Variants in GRK5 observed in about 807,000 individuals in gnomAD.
GRK5 encodes the protein g protein-coupled receptor kinase GRK5.
GRK5 carries 40 observed loss-of-function variants against 78.4 expected under a neutral mutation model. The ratio of observed to expected loss-of-function variants is 0.51; its 90% CI spans 0.40 to 0.66. The LOEUF is 0.66. Among genes scored for constraint, GRK5 ranks in the 30% least tolerant of loss-of-function variants. GRK5 has a pLI of 0.00. For missense variants in GRK5, 598 were observed against 759.9 expected (o/e 0.79, Z 2.50); for synonymous variants, 289 against 296.8 (o/e 0.97, Z 0.27).
Position 119,439,788 on chromosome 10 carries a change from G to A in GRK5, c.967+20G>A, listed in dbSNP as rs987182486. On this transcript the variant is annotated intron_variant, in intron 10 of 15. Coordinates refer to ENST00000392870, the MANE Select transcript of GRK5 (RefSeq NM_005308.3). Reference sequence around the variant, plus strand: ...ATTATGGTAAGTCTTTTCCTACTCGGTAGCTGAGGTGAGCATTGCAACCCC... The same window carrying A: ...ATTATGGTAAGTCTTTTCCTACTCGATAGCTGAGGTGAGCATTGCAACCCC... The A allele has an allele frequency of 6.2e-6, 10 of 1,612,140 alleles. No homozygotes were observed. The South Asian group carries it at 8.8e-5, about 14-fold the overall frequency.
rs535994538 is a variant in GRK5 at position 119,431,276 on chromosome 10, C to T, written c.598-111C>T. On this transcript the variant is annotated intron_variant, in intron 7 of 15. Coordinates refer to ENST00000392870, the MANE Select transcript of GRK5 (RefSeq NM_005308.3). This position sits in a 1 kb window ranked among gnomAD's most constrained non-coding sequence, Gnocchi z 4.8. ...CACTCATGAAGCCAGGCAGGGCCGG[C>T]TCTGACCCCATCCATTCTCTACCTG... 44 of 1,312,448 alleles carry T rather than the reference C, an allele frequency of 3.4e-5. 1 individual carries two copies. The highest frequency in any genetic ancestry group is 2.8e-4 in the African/African-American group (19 of 67,300). 81.3% of individuals were successfully genotyped at this position (1,312,448 alleles called of 1,614,324 possible). A position where few individuals can be genotyped will look rare whatever the true frequency, so the allele number is the denominator to read the frequency against.
At chr10:119,395,642 CCCTTTAT>C (rs1483733567) in intron 3 of GRK5, among the ~76,000 whole-genome samples, 1 of 152,146 alleles carries the variant, frequency 6.6e-6, no homozygotes, top group Admixed American at 6.5e-5. Flanking sequence ...TGACTCGAGG[CCCTTTAT>C]CCATGTGGCG....
intron 2 of GRK5, among the ~76,000 whole-genome samples, chr10:119,375,797 G>A (rs1173623773): frequency 6.6e-6 from 1 of 152,174 alleles, no homozygotes; most frequent in East Asian, 1.9e-4. Flanking sequence ...AACAACACAT[G>A]TCGTTTTCTT....
intron 1 of GRK5, among the ~76,000 whole-genome samples, chr10:119,249,904 C>T (rs1849174616): frequency 6.6e-6 from 1 of 152,210 alleles, no homozygotes; most frequent in Non-Finnish European, 1.5e-5. Flanking sequence ...TCACAGATAC[C>T]TGGCAGTGGG....
intron 8 of GRK5, among the ~76,000 whole-genome samples, chr10:119,433,803 A>T (rs954903612): frequency 1.3e-5 from 2 of 150,066 alleles, no homozygotes; most frequent in Non-Finnish European, 3.0e-5. Flanking sequence ...GGGTGTCTGG[A>T]CTCCACCAGC....
In GRK5 at chr10:119,433,374, CAG is replaced by C. The variant is rs567347768; in HGVS notation, c.738+1848_738+1849del. On this transcript the variant is annotated intron_variant, in intron 8 of 15. Coordinates refer to ENST00000392870, the MANE Select transcript of GRK5 (RefSeq NM_005308.3). ...AGGGACAGTGCTGGCGGGTTCTGCTCAGGGAAGAGGATCATGTGATTCACAAA... is the reference window on the plus strand; with the variant it reads ...AGGGACAGTGCTGGCGGGTTCTGCTCGGAAGAGGATCATGTGATTCACAAA... Among the ~76,000 whole-genome samples the C allele has an allele frequency of 2.7e-3, 411 of 152,352 alleles. 9 individuals are homozygous for C. Among genetic ancestry groups the C allele is most frequent in the East Asian group, 2.5e-3 (13 of 5,182 alleles).
chr10:119,321,157 G>A (rs187107174), intron 1 of GRK5, among the ~76,000 whole-genome samples: 51 of 152,316 alleles, frequency 3.3e-4, no homozygotes, highest in Non-Finnish European at 5.7e-4. Flanking sequence ...CAGCCCATCT[G>A]AGTCAGGAAG....
At chr10:119,240,453 A>G (rs532007354) in intron 1 of GRK5, among the ~76,000 whole-genome samples, 15 of 152,074 alleles carry the variant, frequency 9.9e-5, no homozygotes, top group Non-Finnish European at 1.8e-4. Context: ...TGCCCGCCTC[A>G]GCCTCCCAAA....
intron 2 of GRK5, among the ~76,000 whole-genome samples, chr10:119,344,542 G>A (rs373401264): frequency 1.9e-4 from 29 of 152,280 alleles, no homozygotes; most frequent in African/African-American, 7.0e-4. Context: ...AGCTGTTCCC[G>A]CTGCCCACCT....
chr10:119,326,070 G>GATGTA (rs1850672396), intron 1 of GRK5, among the ~76,000 whole-genome samples: 1 of 152,240 alleles, frequency 6.6e-6, no homozygotes. Context: ...AGCTGGGGAA[G>GATGTA]GAGACTCTCC....
At chr10:119,215,825 A>T (rs1288122365) in intron 1 of GRK5, among the ~76,000 whole-genome samples, 1 of 152,052 alleles carries the variant, frequency 6.6e-6, no homozygotes, top group Non-Finnish European at 1.5e-5. Context: ...CATTTTATTT[A>T]AAAAAACAAT....
At position 119,351,249 on chromosome 10, in the gene GRK5, G is replaced by T. The variant is rs571364852; in HGVS notation, c.148+24638G>T. ...TTAATTACAACCTAAGTTAAAGAAA[G>T]ATATTGAGTAAATACTGTAATGGTG... On this transcript the variant is annotated intron_variant, in intron 2 of 15. Coordinates refer to ENST00000392870, the MANE Select transcript of GRK5 (RefSeq NM_005308.3). Among the ~76,000 whole-genome samples the T allele has an allele frequency of 4.6e-5, 7 of 152,292 alleles. No homozygotes were observed. The South Asian group carries it at 1.5e-3, about 32-fold the overall frequency.
rs562542448 is a variant in GRK5 at position 119,455,123 on chromosome 10, A to C, written c.*56A>C. ...AACCAGCCCAGACCCTTCTCCTTAG[A>C]AGTGGAAGTAGTGGAGCCCCTGCTC... On this transcript the variant is annotated 3_prime_UTR_variant, in exon 16 of 16. Transcript: ENST00000392870. The C allele has an allele frequency of 1.2e-5, 17 of 1,363,156 alleles. No homozygotes were observed. The African/African-American group carries it at 2.0e-4, about 16-fold the overall frequency. 84.4% of individuals were successfully genotyped at this position (1,363,156 alleles called of 1,614,324 possible).
intron 1 of GRK5, among the ~76,000 whole-genome samples, chr10:119,211,302 A>T (rs1165628987): frequency 6.6e-6 from 1 of 152,242 alleles, no homozygotes; most frequent in African/African-American, 2.4e-5. Context: ...TAAGCATTTC[A>T]TGAAAAAGAG....
intron 1 of GRK5, among the ~76,000 whole-genome samples, chr10:119,220,001 C>T (rs1410000316): frequency 6.6e-6 from 1 of 152,150 alleles, no homozygotes; most frequent in Non-Finnish European, 1.5e-5. Flanking sequence ...TGGCTGATGA[C>T]CTGGCATTTG....
In GRK5 at chr10:119,445,638, T is replaced by C. The variant is rs1853131313; in HGVS notation, c.1266+1886T>C. ...CTGCGGCTTCCCTTACAAATGATCTTTGGTCTTGGGAGTCTAGTCTTAGGC... is the reference window on the plus strand; with the variant it reads ...CTGCGGCTTCCCTTACAAATGATCTCTGGTCTTGGGAGTCTAGTCTTAGGC... On this transcript the variant is annotated intron_variant, in intron 12 of 15. Transcript: ENST00000392870. This position sits in a 1 kb window ranked among gnomAD's most constrained non-coding sequence, Gnocchi z 4.1. Among the ~76,000 whole-genome samples the C allele has an allele frequency of 6.6e-6, 1 of 152,166 alleles. No individual in the cohort carries two copies.
intron 13 of GRK5, among the ~76,000 whole-genome samples, chr10:119,449,437 G>T (rs1444727416): frequency 6.6e-6 from 1 of 152,174 alleles, no homozygotes; most frequent in Non-Finnish European, 1.5e-5. Flanking sequence ...GACCCCGTCT[G>T]GCCAGGGATG....
In GRK5 at chr10:119,264,460, C is replaced by G. The variant is rs928454198; in HGVS notation, c.52+56491C>G. Among the ~76,000 whole-genome samples, 4 of 152,152 alleles carry G rather than the reference C, an allele frequency of 2.6e-5. No homozygotes were observed. The highest frequency in any genetic ancestry group is 4.4e-5 in the Non-Finnish European group (3 of 68,034). On this transcript the variant is annotated intron_variant, in intron 1 of 15. Transcript: ENST00000392870. The surrounding 1 kb of genome is among the most constrained non-coding windows in gnomAD (Gnocchi z 4.1). ...CTGCTTTCTGAGTGTTGGCCTCTCT[C>G]TCCTACTACCGCTCATCCTTCTCCC...
chr10:119,405,493 C>T (rs1304140452), intron 4 of GRK5, among the ~76,000 whole-genome samples: 3 of 148,148 alleles, frequency 2.0e-5, no homozygotes, highest in Non-Finnish European at 4.5e-5. Context: ...AAAACATCCA[C>T]ATTTTATAAA....
Sources: allele counts gnomAD v4.1 joint callset (sites outside exome capture counted in the v4.1 genomes callset), GRCh38; gene constraint gnomAD v4.1.1; non-coding constraint Gnocchi (gnomAD v3.1); transcripts MANE v1.5; gene names NCBI Gene and HGNC (gene_info 2026-07-23, HGNC 2026-07-21).